SLC7A5: variants seen among roughly 807,000 people sequenced by gnomAD.
SLC7A5 encodes solute carrier family 7 member 5.
SLC7A5 carries 23 observed loss-of-function variants against 50.2 expected under a neutral mutation model. The ratio of observed to expected loss-of-function variants is 0.46; its 90% confidence interval spans 0.33 to 0.65. The LOEUF is 0.65. SLC7A5 is among the 30% of genes least tolerant of loss of function. SLC7A5 has a pLI of 0.02. For missense variants in SLC7A5, 578 were observed against 684.4 expected, an observed-to-expected ratio of 0.84 and a Z score of 1.73; for synonymous variants, 393 against 330.6, an observed-to-expected ratio of 1.19 and a Z score of -2.05.
chr16:87,848,188 G>A (rs551195711), intron 2 of SLC7A5, among the ~76,000 whole-genome samples: 1 of 152,372 alleles, frequency 6.6e-6, no homozygotes, highest in African/African-American at 2.4e-5. Context: ...GGGAGGAGAA[G>A]GAAAAGAAAG....
intron 6 of SLC7A5, 53 bp from the exon 7 acceptor site, chr16:87,837,994 T>C: frequency 7.3e-7 from 1 of 1,369,654 alleles, no homozygotes; most frequent in Non-Finnish European, 1.0e-6. Context: ...ACTCAGCACG[T>C]GGACAGGGGA....
At chr16:87,864,285 T>A (rs2143832659) in intron 1 of SLC7A5, among the ~76,000 whole-genome samples, 1 of 151,514 alleles carries the variant, frequency 6.6e-6, no homozygotes, top group Admixed American at 6.6e-5. Context: ...AGAGCGAAAC[T>A]CCACCTCAAA....
intron 2 of SLC7A5, among the ~76,000 whole-genome samples, chr16:87,848,176 G>A (rs2055176992): frequency 6.6e-6 from 1 of 152,262 alleles, no homozygotes; most frequent in African/African-American, 2.4e-5. Flanking sequence ...ACAGTACAAT[G>A]TGGGAGGAGA....
chr16:87,834,426 G>A lies in SLC7A5; in HGVS notation c.1456C>T (p.Leu486Phe), dbSNP rs752104076. The A allele has an allele frequency of 2.6e-6, 4 of 1,554,818 alleles. No individual in the cohort carries two copies. Among genetic ancestry groups the A allele is most frequent in the African/African-American group, 2.7e-5 (2 of 73,414 alleles). ...GCGAGATACTCACAGATGCCCTGGA[G>A]GAGCCACTTGGGCTTGTTTTTCCAC... is the stretch of plus-strand genomic sequence containing the variant. ...VWWKNKPKWLLQGIFSTTVLC... is the reference protein window; with the variant it reads ...VWWKNKPKWLFQGIFSTTVLC... Residue 486 changes from leucine (L) to phenylalanine (F), a missense_variant, in exon 9 of 10, where the codon CTC (leucine) becomes TTC (phenylalanine). Coordinates refer to ENST00000261622, the MANE Select transcript of SLC7A5 (RefSeq NM_003486.7).
intron 2 of SLC7A5, among the ~76,000 whole-genome samples, chr16:87,845,704 G>A (rs1257850353): frequency 6.6e-6 from 1 of 152,228 alleles, no homozygotes; most frequent in African/African-American, 2.4e-5. Flanking sequence ...TGTCGGTCTT[G>A]GAAACTCATG....
At position 87,852,947 on chromosome 16, in the gene SLC7A5, G is replaced by C. The variant is rs1260196745; in HGVS notation, c.539-1098C>G. Among the ~76,000 whole-genome samples the C allele has an allele frequency of 6.6e-6, 1 of 152,170 alleles. No homozygotes were observed. The highest frequency in any genetic ancestry group is 1.9e-4 in the East Asian group (1 of 5,188). On this transcript the variant is annotated intron_variant, in intron 1 of 9. Transcript: ENST00000261622. The surrounding 1 kb of genome is among the most constrained non-coding windows in gnomAD (Gnocchi z 4.5). ...TCTGCTCACGAGGTTATCTGTCGCTGTCAGCAGCTTGAAATCTGCCAGTGG... is the reference window on the plus strand; with the variant it reads ...TCTGCTCACGAGGTTATCTGTCGCTCTCAGCAGCTTGAAATCTGCCAGTGG...
chr16:87,843,312 G>C (rs914625831), intron 2 of SLC7A5, among the ~76,000 whole-genome samples: 1 of 145,680 alleles, frequency 6.9e-6, no homozygotes. Flanking sequence ...TCTTCAGTCA[G>C]GAGCCAGATA....
In SLC7A5 at chr16:87,862,336, C is replaced by T. The variant is rs1379706246; in HGVS notation, c.538+6549G>A. ...TCTCTGGTCACTGCTAACTGGCCAA[C>T]TGGCCTTTGAGTCCACTGACCACAG... On this transcript the variant is annotated intron_variant, in intron 1 of 9. Coordinates refer to ENST00000261622, the MANE Select transcript of SLC7A5 (RefSeq NM_003486.7). This position sits in a 1 kb window ranked among gnomAD's most constrained non-coding sequence, Gnocchi z 5.3. Among the ~76,000 whole-genome samples the T allele has an allele frequency of 6.6e-6, 1 of 152,180 alleles. No individual in the cohort carries two copies. The highest frequency in any genetic ancestry group is 1.5e-5 in the Non-Finnish European group (1 of 68,012).
chr16:87,842,945 T>C (rs963252759), intron 2 of SLC7A5, among the ~76,000 whole-genome samples: 2 of 152,146 alleles, frequency 1.3e-5, no homozygotes, highest in African/African-American at 2.4e-5. Flanking sequence ...CACATCTGCA[T>C]AGCCCTACTG....
intron 7 of SLC7A5, chr16:87,837,315 C>G (rs909546382): frequency 5.7e-5 from 11 of 191,402 alleles, no homozygotes; most frequent in Non-Finnish European, 1.2e-4. Context: ...CCTCTCCAGC[C>G]CTGGTCACAC....
intron 8 of SLC7A5, among the ~76,000 whole-genome samples, chr16:87,835,699 C>T (rs1368811990): frequency 5.3e-5 from 8 of 152,144 alleles, no homozygotes; most frequent in Non-Finnish European, 8.8e-5. Context: ...TGGTCTCTAT[C>T]TCCTGACTTT....
chr16:87,850,517 G>A (rs1056296715), intron 2 of SLC7A5, among the ~76,000 whole-genome samples: 6 of 152,208 alleles, frequency 3.9e-5, no homozygotes, highest in African/African-American at 1.4e-4. Flanking sequence ...TGCATCCGCC[G>A]GGTGCCTGCA....
In SLC7A5 at chr16:87,839,983, G is replaced by C. The variant is rs374137741; in HGVS notation, c.816-158C>G. ...AAGCAGCAAGAGAACACAGGCTGGC[G>C]GCAGGAGGCTGTGCCTGGAGCGGGA... On this transcript the variant is annotated intron_variant, in intron 4 of 9. Coordinates refer to ENST00000261622, the MANE Select transcript of SLC7A5 (RefSeq NM_003486.7). 7.5e-4 allele frequency among the ~76,000 whole-genome samples: 114 copies of C among 152,304 alleles called. 2 individuals carry two copies. The East Asian group carries it at 0.021, about 28-fold the overall frequency.
At position 87,841,385 on chromosome 16, in the gene SLC7A5, G is replaced by T. The variant is rs564871089; in HGVS notation, c.665-230C>A. ...AGAGGCCCTGTGCCCACCTGAGAGG[G>T]CACAGGCAGTTCTGACCACTGCCCA... On this transcript the variant is annotated intron_variant, in intron 2 of 9. Coordinates refer to ENST00000261622, the MANE Select transcript of SLC7A5 (RefSeq NM_003486.7). The surrounding 1 kb of genome is among the most constrained non-coding windows in gnomAD (Gnocchi z 4.8). Among the ~76,000 whole-genome samples, 40 of 152,338 alleles carry T rather than the reference G, an allele frequency of 2.6e-4. 1 individual carries two copies. In the South Asian group the frequency reaches 7.7e-3, roughly 29 times the overall value.
In SLC7A5 at chr16:87,860,399, C is replaced by CACAT. The variant is rs1175115965; in HGVS notation, c.538+8485_538+8486insATGT. 5.1e-4 allele frequency among the ~76,000 whole-genome samples: 38 copies of CACAT among 74,478 alleles called. No homozygotes were observed. The East Asian group carries it at 5.4e-3, about 11-fold the overall frequency. 48.9% of individuals were successfully genotyped at this position (74,478 alleles called of 152,430 possible). A position where few individuals can be genotyped will look rare whatever the true frequency, so the allele number is the denominator to read the frequency against. On this transcript the variant is annotated intron_variant, in intron 1 of 9. Transcript: ENST00000261622. This position sits in a 1 kb window ranked among gnomAD's most constrained non-coding sequence, Gnocchi z 4.8. ...ACACACACACACACACACACACACACATATATATATAAAGAAAAAGGAAAT... is the reference window on the plus strand; with the variant it reads ...ACACACACACACACACACACACACACACATATATATATATAAAGAAAAAGGAAAT...
rs549978370 is a variant in SLC7A5 at position 87,861,231 on chromosome 16, C to G, written c.538+7654G>C. Among the ~76,000 whole-genome samples, 96 of 152,260 alleles carry G rather than the reference C, an allele frequency of 6.3e-4. No homozygotes were observed. Among genetic ancestry groups the G allele is most frequent in the African/African-American group, 2.2e-3 (90 of 41,548 alleles). ...CAGAACCCTGTGGCTGTCCAGGGTA[C>G]CTGGATGTGAGTCTGGGAAGGATGG... is the stretch of plus-strand genomic sequence containing the variant. On this transcript the variant is annotated intron_variant, in intron 1 of 9. Transcript: ENST00000261622. The surrounding 1 kb of genome is among the most constrained non-coding windows in gnomAD (Gnocchi z 4.2).
rs569614757 is a variant in SLC7A5, at chr16:87,832,733, C to G, written c.*237G>C. 4.2e-6 allele frequency: 2 copies of G among 480,230 alleles called. No homozygotes were observed. Among genetic ancestry groups the G allele is most frequent in the Non-Finnish European group, 7.6e-6 (2 of 262,304 alleles). 29.7% of individuals were successfully genotyped at this position (480,230 alleles called of 1,614,324 possible). On this transcript the variant is annotated 3_prime_UTR_variant, in exon 10 of 10. Transcript: ENST00000261622. The surrounding 1 kb of genome is among the most constrained non-coding windows in gnomAD (Gnocchi z 4.6). ...GAAGGGAAAAAGGGCCCAAGGAGAC[C>G]AAAAGCTGCTCCTGGGCAGGAGCAC... is the stretch of plus-strand genomic sequence containing the variant.
Position 87,862,435 on chromosome 16 carries a change from C to T in SLC7A5, c.538+6450G>A, listed in dbSNP as rs537030346. Among the ~76,000 whole-genome samples the T allele has an allele frequency of 9.0e-4, 137 of 152,362 alleles. No individual in the cohort carries two copies. The highest frequency in any genetic ancestry group is 3.2e-3 in the African/African-American group (135 of 41,578). ...GGGAGGGGCTCAGAGACAGTTGTGG[C>T]GATTCCTACTTCCACCCATAGCCCC... On this transcript the variant is annotated intron_variant, in intron 1 of 9. Coordinates refer to ENST00000261622, the MANE Select transcript of SLC7A5 (RefSeq NM_003486.7). The surrounding 1 kb of genome is among the most constrained non-coding windows in gnomAD (Gnocchi z 5.3).
chr16:87,834,689 C>A (rs537778036), intron 8 of SLC7A5, 98 bp from the exon 9 acceptor site: 3 of 1,257,954 alleles, frequency 2.4e-6, no homozygotes, highest in Non-Finnish European at 3.4e-6. Context: ...TCCACACCCA[C>A]GGCTGCTGAC....
Sources: gnomAD v4.1 joint callset for allele counts (sites outside exome capture counted in the v4.1 genomes callset) on GRCh38, gnomAD v4.1.1 for gene constraint, Gnocchi (gnomAD v3.1) non-coding constraint, MANE v1.5 for transcripts, NCBI Gene and HGNC (gene_info 2026-07-23, HGNC 2026-07-21) for gene names.